Variants in GLOD5 observed in about 807,000 individuals in gnomAD.
GLOD5 encodes glyoxalase domain-containing protein 5.
GLOD5 carries 7 observed loss-of-function variants against 9.9 expected under a neutral mutation model. The ratio of observed to expected loss-of-function variants is 0.71; its 90% CI spans 0.40 to 1.33. The LOEUF is 1.33. Ranked by LOEUF, GLOD5 falls within the 40% of genes most tolerant of loss-of-function variation. The probability of loss-of-function intolerance (pLI) is 0.01; values close to 1 mark genes in which losing one functional copy is unlikely to be tolerated. For missense variants in GLOD5, 146 were observed against 128.4 expected (o/e 1.14, Z -0.66); for synonymous variants, 49 against 47.3 (o/e 1.04, Z -0.14).
At chrX:48,773,175 A>G in intron 3 of GLOD5, 135 bp from the exon 4 acceptor site, 1 of 680,254 alleles carries the variant, frequency 1.5e-6, no homozygotes, top group Non-Finnish European at 2.2e-6. Flanking sequence ...GGTTGCAGTG[A>G]GCTGAGATCT....
intron 1 of GLOD5, chrX:48,765,602 A>AAAT: frequency 2.5e-6 from 1 of 392,919 alleles, no homozygotes; most frequent in Non-Finnish European, 4.6e-6. Context: ...AAAAAAAAAA[A>AAAT]GAAAAGGAAA....
At chrX:48,770,800 G>A (rs894643329) in intron 2 of GLOD5, 127 bp from the exon 3 acceptor site, 10 of 476,664 alleles carry the variant, frequency 2.1e-5, no homozygotes, top group Non-Finnish European at 3.3e-5. Flanking sequence ...AAGGGCTGTT[G>A]TGTAGTAGCC....
intron 1 of GLOD5, chrX:48,765,555 G>A (rs180858065): frequency 3.0e-5 from 9 of 298,598 alleles, no homozygotes; most frequent in African/African-American, 2.7e-4. Flanking sequence ...TCCAGCCTGG[G>A]CAACAGAGTG....
chrX:48,771,975 G>A (rs1237450676), intron 3 of GLOD5, among the ~76,000 whole-genome samples: 3 of 111,579 alleles, frequency 2.7e-5, no homozygotes, highest in African/African-American at 9.8e-5. Context: ...GGTCACTCAC[G>A]CCTGTAATCC....
At chrX:48,772,844 A>AT (rs1476901627) in intron 3 of GLOD5, among the ~76,000 whole-genome samples, 4 of 110,882 alleles carry the variant, frequency 3.6e-5, no homozygotes. Flanking sequence ...CATCTAGCTG[A>AT]TAAGTGGCTG....
chrX:48,765,577 CAAAAAA>C (rs66661999), intron 1 of GLOD5: 27 of 177,345 alleles, frequency 1.5e-4, no homozygotes, highest in Middle Eastern at 1.7e-3. Context: ...GACTCTGTCT[CAAAAAA>C]AAAAAAAAAA....
At chrX:48,772,557 G>C (rs781819181) in intron 3 of GLOD5, among the ~76,000 whole-genome samples, 21 of 110,811 alleles carry the variant, frequency 1.9e-4, no homozygotes, top group Non-Finnish European at 2.8e-4. Flanking sequence ...ATAAATAAAA[G>C]GGGTTTTAGT....
chrX:48,763,952 C>T (rs186734956), intron 1 of GLOD5, among the ~76,000 whole-genome samples: 21 of 111,638 alleles, frequency 1.9e-4, no homozygotes, highest in African/African-American at 6.2e-4. Context: ...TGGAACTAAA[C>T]GCAGTGGAAT....
chrX:48,764,192 C>A lies in GLOD5; in HGVS notation c.64-1643C>A, dbSNP rs185130380. On this transcript the variant is annotated intron_variant, in intron 1 of 3. Coordinates refer to ENST00000303227, the MANE Select transcript of GLOD5 (RefSeq NM_001080489.3). ...GAAGCTTACATTCTAGTCAGGGAGACAGGCATTACCATCTGCAAAGGCCCA... is the reference window on the plus strand; with the variant it reads ...GAAGCTTACATTCTAGTCAGGGAGAAAGGCATTACCATCTGCAAAGGCCCA... Among the ~76,000 whole-genome samples the A allele has an allele frequency of 3.9e-3, 430 of 111,530 alleles. 1 individual carries two copies. The highest frequency in any genetic ancestry group is 0.013 in the African/African-American group (408 of 30,727).
At chrX:48,772,986 A>C in intron 3 of GLOD5, among the ~76,000 whole-genome samples, 1 of 111,032 alleles carries the variant, frequency 9.0e-6, no homozygotes, top group South Asian at 3.8e-4. Flanking sequence ...CTATAATTCC[A>C]GCACTTTAGG....
chrX:48,773,602 T>C lies in GLOD5; in HGVS notation c.*167T>C. 2.1e-6 allele frequency: 1 copy of C among 483,764 alleles called. No homozygotes were observed. The highest frequency in any genetic ancestry group is 3.4e-6 in the Non-Finnish European group (1 of 290,207). 39.9% of individuals were successfully genotyped at this position (483,764 alleles called of 1,213,427 possible). On this transcript the variant is annotated 3_prime_UTR_variant, in exon 4 of 4. Transcript: ENST00000303227. The stretch of plus-strand genomic sequence containing the variant: ...AGGTTTGGGACCAAACCTACATGTC[T>C]GTATGTCATCAAAGTTGGCCTAATA...
chrX:48,764,888 T>C (rs1557016405), intron 1 of GLOD5, among the ~76,000 whole-genome samples: 2 of 111,146 alleles, frequency 1.8e-5, no homozygotes, highest in Non-Finnish European at 3.8e-5. Context: ...AGACCACAGG[T>C]GCTTTATAAT....
intron 1 of GLOD5, among the ~76,000 whole-genome samples, chrX:48,764,329 A>G (rs2062603569): frequency 9.0e-6 from 1 of 111,195 alleles, no homozygotes; most frequent in Non-Finnish European, 1.9e-5. Flanking sequence ...TTGTAACTGG[A>G]GTCTAGATTT....
Position 48,773,437 on chromosome X carries a change from G to A in GLOD5, c.*2G>A. 8.3e-7 allele frequency: 1 copy of A among 1,208,804 alleles called. No individual in the cohort carries two copies. Among genetic ancestry groups the A allele is most frequent in the Non-Finnish European group, 1.1e-6 (1 of 894,148 alleles). On this transcript the variant is annotated 3_prime_UTR_variant, in exon 4 of 4. Transcript: ENST00000303227. ...GTGTCCAACTACATCTCCTCGTGAT[G>A]GAGGCTGGACCTCCTCCATTCTGTC...
Position 48,773,424 on chromosome X carries a change from A to C in GLOD5, c.472A>C (p.Ile158Leu). Reference sequence around the variant, plus strand: ...AAATCTGATTGAGGTGTCCAACTACATCTCCTCGTGATGGAGGCTGGACCT... The same window carrying C: ...AAATCTGATTGAGGTGTCCAACTACCTCTCCTCGTGATGGAGGCTGGACCT... The part of the protein sequence containing the change: ...DRNLIEVSNY[I>L]SS The change falls in exon 4 of 4, where the codon ATC becomes CTC. Residue 158 changes from isoleucine (I) to leucine (L), a missense_variant. By Grantham distance (5) the Ile-to-Leu change is conservative. Coordinates refer to ENST00000303227, the MANE Select transcript of GLOD5 (RefSeq NM_001080489.3). The C allele has an allele frequency of 8.3e-7, 1 of 1,207,934 alleles. No individual in the cohort carries two copies. Among genetic ancestry groups the C allele is most frequent in the South Asian group, 1.8e-5 (1 of 56,754 alleles).
Position 48,765,900 on chromosome X carries a change from G to T in GLOD5, c.129G>T (p.Met43Ile). 8.3e-7 allele frequency: 1 copy of T among 1,202,090 alleles called. No homozygotes were observed. The highest frequency in any genetic ancestry group is 1.1e-6 in the Non-Finnish European group (1 of 889,543). The change falls in exon 2 of 4, where the codon ATG becomes ATT. Residue 43 changes from methionine to isoleucine, a missense_variant. Met to Ile is a conservative substitution (Grantham distance 10). Transcript: ENST00000303227. ...CLIRRLDHIVMTVKSIKDTTM... is the reference protein window; with the variant it reads ...CLIRRLDHIVITVKSIKDTTM... ...TCCGTAGACTTGACCACATCGTGAT[G>T]ACGGTGAAGAGCATCAAAGACACCA...
intron 1 of GLOD5, among the ~76,000 whole-genome samples, chrX:48,763,796 T>C (rs1446962254): frequency 8.9e-6 from 1 of 112,855 alleles, no homozygotes; most frequent in African/African-American, 3.2e-5. Context: ...GCAGTTCCTA[T>C]GTCCATGTGG....
intron 3 of GLOD5, among the ~76,000 whole-genome samples, chrX:48,772,909 G>T (rs1202590735): frequency 9.0e-6 from 1 of 110,781 alleles, no homozygotes; most frequent in African/African-American, 3.3e-5. Context: ...AGATACAGCG[G>T]TGTTCTAAGG....
At chrX:48,762,061 C>T (rs982899669) in intron 1 of GLOD5, among the ~76,000 whole-genome samples, 3 of 111,186 alleles carry the variant, frequency 2.7e-5, no homozygotes, top group East Asian at 2.8e-4. Flanking sequence ...AGGGCTGGGC[C>T]GGGGCTGAGG....
Sources: allele counts gnomAD v4.1 joint callset (sites outside exome capture counted in the v4.1 genomes callset), GRCh38; gene constraint gnomAD v4.1.1; transcripts MANE v1.5; gene names NCBI Gene and HGNC (gene_info 2026-07-23, HGNC 2026-07-21).